The following SMIM35 variants were observed in gnomAD, a reference collection of about 807,000 sequenced individuals.
SMIM35 encodes TMPRSS4 antisense RNA 1 (non-protein coding).
chr11:118,042,068 A>AAAGAGAGAG lies in SMIM35; in HGVS notation c.8-26260_8-26259insCTCTCTCTT, dbSNP rs1555073518. On this transcript the variant is annotated intron_variant, in intron 1 of 4. Coordinates refer to ENST00000689828, the MANE Select transcript of SMIM35 (RefSeq NM_001394165.1). ...TCTGTCACAAATGAAAAAAAAAAAA[A>AAAGAGAGAG]AGAGAGAGAGAGAAAGAAAGACAAA... Among the ~76,000 whole-genome samples the AAAGAGAGAG allele has an allele frequency of 7.5e-4, 89 of 117,884 alleles. 1 individual carries two copies. In the East Asian group the frequency reaches 7.9e-3, roughly 10 times the overall value. The allele number at this position is 117,884 out of a possible 152,430, so 77.3% of individuals were successfully genotyped here.
chr11:118,015,691 A>C lies in SMIM35; in HGVS notation c.124+2T>G, dbSNP rs1015815050. ...GGGCTACAGGGCCCAGTGCACACTC[A>C]CCCTCCCAGCAGTACCCGCGCTGGT... On this transcript the variant is annotated splice_donor_variant, in intron 2 of 4. Coordinates refer to ENST00000689828, the MANE Select transcript of SMIM35 (RefSeq NM_001394165.1). LOFTEE classifies it high-confidence loss of function. 1 of 399,020 alleles carries C rather than the reference A, an allele frequency of 2.5e-6. No homozygotes were observed. Among genetic ancestry groups the C allele is most frequent in the Admixed American group, 4.4e-5 (1 of 22,702 alleles). The allele number at this position is 399,020 out of a possible 1,614,324, so 24.7% of individuals were successfully genotyped here. A position where few individuals can be genotyped will look rare whatever the true frequency, so the allele number is the denominator to read the frequency against.
At chr11:118,075,356 G>A (rs1017627460) in intron 1 of SMIM35, among the ~76,000 whole-genome samples, 2 of 152,230 alleles carry the variant, frequency 1.3e-5, no homozygotes, top group Non-Finnish European at 2.9e-5. Context: ...ACAAGTCCAA[G>A]GCCACACTGC....
At chr11:118,033,100 A>G (rs1418619113) in intron 1 of SMIM35, among the ~76,000 whole-genome samples, 2 of 152,218 alleles carry the variant, frequency 1.3e-5, no homozygotes, top group African/African-American at 4.8e-5. Context: ...GCTCTCATCA[A>G]TTAAGTCAGG....
intron 1 of SMIM35, among the ~76,000 whole-genome samples, chr11:118,037,629 G>A (rs1384630580): frequency 1.3e-5 from 2 of 152,168 alleles, no homozygotes; most frequent in Non-Finnish European, 2.9e-5. Context: ...AAAGCTCTTC[G>A]ATTTTGAAGG....
chr11:118,031,443 A>T (rs1185621561), intron 1 of SMIM35, among the ~76,000 whole-genome samples: 1 of 152,196 alleles, frequency 6.6e-6, no homozygotes, highest in African/African-American at 2.4e-5. Flanking sequence ...ACAATAAGGA[A>T]GGTCCTAAAA....
Position 118,043,912 on chromosome 11 carries a change from C to G in SMIM35, c.8-28103G>C, listed in dbSNP as rs11826104. ...AAAGGGTATGGGTTTTTTTTTTAGG[C>G]GATGAAAATGTTCTAAAATTGACTG... is the stretch of plus-strand genomic sequence containing the variant. On this transcript the variant is annotated intron_variant, in intron 1 of 4. Coordinates refer to ENST00000689828, the MANE Select transcript of SMIM35 (RefSeq NM_001394165.1). Among the ~76,000 whole-genome samples, 3 of 149,014 alleles carry G rather than the reference C, an allele frequency of 2.0e-5. No individual in the cohort carries two copies. The South Asian group carries it at 6.3e-4, about 31-fold the overall frequency.
intron 1 of SMIM35, among the ~76,000 whole-genome samples, chr11:118,040,929 T>C (rs147797188): frequency 1.3e-5 from 2 of 151,624 alleles, no homozygotes; most frequent in Non-Finnish European, 2.9e-5. Flanking sequence ...ATGTGACATA[T>C]GTATAACAAA....
At chr11:118,040,145 G>A (rs904368368) in intron 1 of SMIM35, among the ~76,000 whole-genome samples, 3 of 151,986 alleles carry the variant, frequency 2.0e-5, no homozygotes, top group African/African-American at 7.3e-5. Context: ...AAACCCAGGA[G>A]GCAGAGGTTG....
intron 1 of SMIM35, among the ~76,000 whole-genome samples, chr11:118,021,650 G>T (rs901030117): frequency 6.6e-6 from 1 of 151,992 alleles, no homozygotes; most frequent in African/African-American, 2.4e-5. Context: ...TGGCTCTGTG[G>T]ATATCAGACA....
intron 1 of SMIM35, among the ~76,000 whole-genome samples, chr11:118,056,494 A>C (rs1198216950): frequency 6.6e-6 from 1 of 152,170 alleles, no homozygotes; most frequent in Non-Finnish European, 1.5e-5. Context: ...TGTTGAGCTC[A>C]AGGTACCTGC....
At chr11:118,085,701 C>T (rs1945494462) in intron 1 of SMIM35, among the ~76,000 whole-genome samples, 1 of 152,226 alleles carries the variant, frequency 6.6e-6, no homozygotes, top group African/African-American at 2.4e-5. Context: ...CAATGGCAAA[C>T]CCATGAGGGT....
chr11:118,055,798 G>C (rs1944301345), intron 1 of SMIM35, among the ~76,000 whole-genome samples: 1 of 152,170 alleles, frequency 6.6e-6, no homozygotes, highest in African/African-American at 2.4e-5. Flanking sequence ...ATGGGAGAAA[G>C]AGCTGCAGAC....
At chr11:118,050,160 T>C (rs542487642) in intron 1 of SMIM35, among the ~76,000 whole-genome samples, 134 of 152,326 alleles carry the variant, frequency 8.8e-4, no homozygotes, top group African/African-American at 3.0e-3. Context: ...CCAGGTTGTC[T>C]TCCATAAAAT....
At chr11:118,024,184 T>A (rs11216702) in intron 1 of SMIM35, among the ~76,000 whole-genome samples, 14,589 of 152,186 alleles carry the variant, frequency 0.096, 979 homozygotes, top group East Asian at 0.37. Context: ...GAAGAACCTG[T>A]CAAGTTATTT....
intron 1 of SMIM35, among the ~76,000 whole-genome samples, chr11:118,086,323 T>G (rs983418077): frequency 6.6e-6 from 1 of 152,254 alleles, no homozygotes; most frequent in Non-Finnish European, 1.5e-5. Context: ...GGCCCTGCCC[T>G]GGAGCCATTA....
At chr11:118,028,832 G>C (rs928790630) in intron 1 of SMIM35, 2 of 452,036 alleles carry the variant, frequency 4.4e-6, no homozygotes, top group Non-Finnish European at 8.9e-6. Flanking sequence ...AGTAGAAGGG[G>C]AAAAGGAGAA....
intron 1 of SMIM35, among the ~76,000 whole-genome samples, chr11:118,080,378 G>A (rs1271702638): frequency 1.3e-5 from 2 of 152,164 alleles, no homozygotes; most frequent in Non-Finnish European, 2.9e-5. Context: ...GCTGTGGCTG[G>A]AGCAAAGACT....
chr11:118,082,423 C>A (rs1187527060), intron 1 of SMIM35, among the ~76,000 whole-genome samples: 2 of 151,944 alleles, frequency 1.3e-5, no homozygotes, highest in African/African-American at 4.8e-5. Flanking sequence ...TAGCCGAGCG[C>A]AGTAGCTCAC....
rs1421554595 is a variant in SMIM35, at chr11:118,063,710, C to T, written c.7+23041G>A. On this transcript the variant is annotated intron_variant, in intron 1 of 4. Coordinates refer to ENST00000689828, the MANE Select transcript of SMIM35 (RefSeq NM_001394165.1). ...TGGAGGGTAAGTTGATCACCAATGG[C>T]CCGTGGCTTAATTAATCATGCTTAT... Among the ~76,000 whole-genome samples, 5 of 152,078 alleles carry T rather than the reference C, an allele frequency of 3.3e-5. No homozygotes were observed. In the South Asian group the frequency reaches 1.0e-3, roughly 32 times the overall value.
Sources: allele counts gnomAD v4.1 joint callset (sites outside exome capture counted in the v4.1 genomes callset), GRCh38; gene constraint gnomAD v4.1.1; transcripts MANE v1.5; gene names NCBI Gene and HGNC (gene_info 2026-07-23, HGNC 2026-07-21).